IFT74: variants seen among roughly 807,000 people sequenced by gnomAD.
IFT74 encodes the protein intraflagellar transport 74, also known as intraflagellar transport protein 74 homolog.
IFT74 carries 92 observed loss-of-function variants against 96.7 expected under a neutral mutation model. The ratio of observed to expected loss-of-function variants is 0.95; its 90% CI spans 0.80 to 1.13. IFT74 has a LOEUF of 1.13. IFT74 is among the 50% of genes most tolerant of loss of function. The pLI is 0.00. For synonymous variants in IFT74, 223 were observed against 213.2 expected (o/e 1.05, Z -0.40); for missense variants, 811 against 698.2 (o/e 1.16, Z -1.82).
intron 1 of IFT74, among the ~76,000 whole-genome samples, chr9:26,959,355 C>A (rs970013901): frequency 1.3e-5 from 2 of 152,096 alleles, no homozygotes. Flanking sequence ...GTGATCCGCC[C>A]GCCTCGGCCT....
chr9:27,038,833 A>G (rs1819334107), intron 13 of IFT74, among the ~76,000 whole-genome samples: 1 of 152,342 alleles, frequency 6.6e-6, no homozygotes, highest in East Asian at 1.9e-4. Flanking sequence ...ATGATCCTTC[A>G]GTGGAACAAA....
chr9:27,047,390 T>C lies in IFT74; in HGVS notation c.1206+19T>C, dbSNP rs775150476. 3.4e-6 allele frequency: 5 copies of C among 1,458,900 alleles called. No individual in the cohort carries two copies. The highest frequency in any genetic ancestry group is 1.9e-5 in the Admixed American group (1 of 52,790). The allele number at this position is 1,458,900 out of a possible 1,614,324, so 90.4% of individuals were successfully genotyped here. On this transcript the variant is annotated intron_variant, in intron 15 of 19. Transcript: ENST00000380062. Reference sequence around the variant, plus strand: ...CAGTCGAGTGAGTACCATGTGCCTGTCTTGGTGTCCTCTTTATTTTTGCCG... The same window carrying C: ...CAGTCGAGTGAGTACCATGTGCCTGCCTTGGTGTCCTCTTTATTTTTGCCG...
chr9:27,059,168 T>A (rs1820301047), intron 18 of IFT74, among the ~76,000 whole-genome samples: 1 of 152,236 alleles, frequency 6.6e-6, no homozygotes, highest in South Asian at 2.1e-4. Flanking sequence ...AATCATAACA[T>A]AAGCCACAAT....
intron 8 of IFT74, chr9:26,995,441 G>A (rs770743381): frequency 3.9e-6 from 3 of 778,336 alleles, no homozygotes; most frequent in Non-Finnish European, 6.1e-6. Context: ...GCTGTATTTT[G>A]TTATGTCACA....
At chr9:27,012,326 G>A (rs78580862) in intron 10 of IFT74, among the ~76,000 whole-genome samples, 8,249 of 152,154 alleles carry the variant, frequency 0.054, 314 homozygotes, top group Non-Finnish European at 0.081. Context: ...GGGCTCAAGC[G>A]ATCCTCCCTC....
At chr9:27,027,650 A>ATTTG in intron 12 of IFT74, among the ~76,000 whole-genome samples, 1 of 152,252 alleles carries the variant, frequency 6.6e-6, no homozygotes, top group Admixed American at 6.5e-5. Context: ...CATTTTTTAA[A>ATTTG]CTAGATTGTT....
intron 18 of IFT74, among the ~76,000 whole-genome samples, chr9:27,058,677 C>T (rs1383421771): frequency 1.3e-5 from 2 of 152,214 alleles, no homozygotes; most frequent in South Asian, 2.1e-4. Context: ...TGTGAGCCAC[C>T]ACACTCGGCC....
intron 12 of IFT74, among the ~76,000 whole-genome samples, chr9:27,025,959 A>G (rs1390441953): frequency 6.6e-6 from 1 of 152,250 alleles, no homozygotes; most frequent in Non-Finnish European, 1.5e-5. Context: ...AATAACTAGC[A>G]CAATGAATAG....
chr9:27,000,469 A>G lies in IFT74; in HGVS notation c.588-8551A>G, dbSNP rs1379068450. ...AAAACTGTGGGAGATGAGAATCTTT[A>G]GCACTCTTTTTCCCCCCATGGTAAC... On this transcript the variant is annotated intron_variant, in intron 8 of 19. Transcript: ENST00000380062. Among the ~76,000 whole-genome samples the G allele has an allele frequency of 2.0e-5, 3 of 152,192 alleles. No homozygotes were observed. In the South Asian group the frequency reaches 6.2e-4, roughly 32 times the overall value.
chr9:26,950,262 A>G (rs570816804), intron 1 of IFT74, among the ~76,000 whole-genome samples: 133 of 151,454 alleles, frequency 8.8e-4, no homozygotes, highest in African/African-American at 3.1e-3. Flanking sequence ...CAGTGAGCTG[A>G]GATTGCGCCA....
intron 8 of IFT74, among the ~76,000 whole-genome samples, chr9:26,996,683 A>C (rs1029614422): frequency 2.0e-5 from 3 of 152,174 alleles, no homozygotes; most frequent in African/African-American, 7.2e-5. Flanking sequence ...TTATTTTATA[A>C]ATATGGCTTA....
intron 8 of IFT74, chr9:26,998,062 G>A: frequency 6.2e-7 from 1 of 1,612,972 alleles, no homozygotes. Context: ...TATTATGTAA[G>A]ATAGTAACCT....
chr9:26,947,738 G>C (rs1184803251), intron 1 of IFT74, among the ~76,000 whole-genome samples: 3 of 152,122 alleles, frequency 2.0e-5, no homozygotes, highest in Admixed American at 6.5e-5. Context: ...CTATTCCTCC[G>C]TTTCAAGTTA....
chr9:27,039,956 C>A (rs749049019), intron 13 of IFT74, among the ~76,000 whole-genome samples: 1 of 151,974 alleles, frequency 6.6e-6, no homozygotes, highest in East Asian at 1.9e-4. Flanking sequence ...TTTTATAGGC[C>A]CCCACAACTA....
At chr9:26,952,210 C>T (rs930297540), upstream of IFT74, among the ~76,000 whole-genome samples, 1 of 151,518 alleles carries the variant, frequency 6.6e-6, no homozygotes, top group Non-Finnish European at 1.5e-5. Flanking sequence ...TCATTAAAAG[C>T]TGGCTAATGT....
chr9:27,031,421 C>T (rs866779550), intron 13 of IFT74, among the ~76,000 whole-genome samples: 1 of 151,600 alleles, frequency 6.6e-6, no homozygotes, highest in Admixed American at 6.6e-5. Context: ...GAGCCAAGAT[C>T]GCGCCTCTAT....
intron 16 of IFT74, among the ~76,000 whole-genome samples, chr9:27,049,478 ATCT>A (rs1453368562): frequency 6.6e-6 from 1 of 152,184 alleles, no homozygotes; most frequent in Non-Finnish European, 1.5e-5. Context: ...GTTTGTTTAA[ATCT>A]TCTAATGTGG....
At chr9:27,006,454 C>T (rs951393314) in intron 8 of IFT74, among the ~76,000 whole-genome samples, 3 of 152,028 alleles carry the variant, frequency 2.0e-5, no homozygotes, top group African/African-American at 7.2e-5. Flanking sequence ...AAAGTAAAAA[C>T]ATTAGCAGGG....
intron 2 of IFT74, among the ~76,000 whole-genome samples, chr9:26,977,299 A>G (rs1319335812): frequency 6.6e-6 from 1 of 151,884 alleles, no homozygotes. Flanking sequence ...TTTTTGTTTT[A>G]AAAAAGTAGA....
Sources: gnomAD v4.1 joint callset for allele counts (sites outside exome capture counted in the v4.1 genomes callset) on GRCh38, gnomAD v4.1.1 for gene constraint, MANE v1.5 for transcripts, NCBI Gene and HGNC (gene_info 2026-07-23, HGNC 2026-07-21) for gene names.